The following PTPN4 variants were observed in gnomAD, a reference collection of about 807,000 sequenced individuals.
PTPN4 encodes tyrosine-protein phosphatase non-receptor type 4.
In PTPN4, 49 loss-of-function variants were observed where a neutral mutation model predicts 135.5. The observed-to-expected ratio is 0.36, with a 90% confidence interval of 0.29 to 0.46. The LOEUF (loss-of-function observed/expected upper bound fraction) is 0.46. Ranked by LOEUF, PTPN4 falls within the 20% of genes least tolerant of loss-of-function variation. PTPN4 has a pLI of 1.00. For synonymous variants in PTPN4, 333 were observed against 369.9 expected (o/e 0.90, Z 1.14); for missense variants, 860 against 1,101.0 (o/e 0.78, Z 3.10).
At chr2:119,790,923 T>A (rs1046261275) in intron 1 of PTPN4, among the ~76,000 whole-genome samples, 1 of 152,194 alleles carries the variant, frequency 6.6e-6, no homozygotes, top group Non-Finnish European at 1.5e-5. Flanking sequence ...AATTCAGTAG[T>A]ATTCAGAAAT....
At chr2:119,764,831 A>G (rs938858587) in intron 1 of PTPN4, among the ~76,000 whole-genome samples, 1 of 152,166 alleles carries the variant, frequency 6.6e-6, no homozygotes, top group Non-Finnish European at 1.5e-5. Context: ...CTTGATCACC[A>G]CCATAATAGC....
chr2:119,912,474 A>G (rs1678586078), intron 10 of PTPN4, among the ~76,000 whole-genome samples: 1 of 152,208 alleles, frequency 6.6e-6, no homozygotes, highest in African/African-American at 2.4e-5. Context: ...GAAAATGAAA[A>G]GATGCATTGG....
At chr2:119,903,578 C>A (rs1678440435) in intron 10 of PTPN4, among the ~76,000 whole-genome samples, 1 of 151,734 alleles carries the variant, frequency 6.6e-6, no homozygotes, top group African/African-American at 2.4e-5. Context: ...CACACACACA[C>A]ACACACCTTT....
chr2:119,857,542 TAAA>T (rs1677699394), intron 2 of PTPN4, among the ~76,000 whole-genome samples: 1 of 105,612 alleles, frequency 9.5e-6, no homozygotes, highest in Non-Finnish European at 2.1e-5. Context: ...TCAAAAAAAA[TAAA>T]AAAGAAATGT....
chr2:119,910,549 T>G (rs559734033), intron 10 of PTPN4, among the ~76,000 whole-genome samples: 2 of 152,250 alleles, frequency 1.3e-5, no homozygotes, highest in East Asian at 3.9e-4. Flanking sequence ...TCCTGCCCCC[T>G]CCTCCACTAA....
intron 22 of PTPN4, among the ~76,000 whole-genome samples, chr2:119,958,724 C>G (rs894404303): frequency 6.6e-6 from 1 of 152,136 alleles, no homozygotes; most frequent in Admixed American, 6.5e-5. Context: ...ATTAGCTGAT[C>G]AATACATACT....
At chr2:119,804,811 G>A (rs1691438538) in intron 1 of PTPN4, among the ~76,000 whole-genome samples, 1 of 152,094 alleles carries the variant, frequency 6.6e-6, no homozygotes, top group South Asian at 2.1e-4. Flanking sequence ...GGGATCTTTG[G>A]GTCAAATGGT....
intron 9 of PTPN4, among the ~76,000 whole-genome samples, chr2:119,896,808 T>C (rs753091351): frequency 6.6e-5 from 10 of 152,160 alleles, no homozygotes; most frequent in Non-Finnish European, 1.0e-4. Flanking sequence ...GTAATGAATA[T>C]GAAGTGGTGG....
intron 2 of PTPN4, among the ~76,000 whole-genome samples, chr2:119,845,904 C>T (rs575517449): frequency 5.8e-4 from 88 of 152,246 alleles, no homozygotes; most frequent in African/African-American, 1.8e-3. Flanking sequence ...TCATTTATAT[C>T]GAAGTATTTT....
chr2:119,970,247 A>G (rs1679511207), intron 26 of PTPN4, among the ~76,000 whole-genome samples: 1 of 151,926 alleles, frequency 6.6e-6, no homozygotes, highest in Non-Finnish European at 1.5e-5. Flanking sequence ...TTTAGTAGAC[A>G]CAGGGTCTCT....
intron 2 of PTPN4, among the ~76,000 whole-genome samples, chr2:119,838,853 C>G (rs1026296315): frequency 1.3e-5 from 2 of 152,174 alleles, no homozygotes; most frequent in Non-Finnish European, 2.9e-5. Context: ...ATTCAACTAA[C>G]CAAATATGTA....
intron 10 of PTPN4, among the ~76,000 whole-genome samples, chr2:119,908,449 A>C (rs1486293584): frequency 6.6e-6 from 1 of 152,140 alleles, no homozygotes; most frequent in East Asian, 1.9e-4. Flanking sequence ...ATGTTATTGT[A>C]TCAGTGATCT....
At chr2:119,937,150 G>A (rs1574412620) in intron 15 of PTPN4, among the ~76,000 whole-genome samples, 2 of 152,234 alleles carry the variant, frequency 1.3e-5, no homozygotes, top group East Asian at 3.9e-4. Flanking sequence ...AATCAGCCAG[G>A]AGAACTTTGT....
intron 12 of PTPN4, among the ~76,000 whole-genome samples, chr2:119,924,325 A>G (rs984730298): frequency 2.6e-5 from 4 of 151,870 alleles, no homozygotes; most frequent in Non-Finnish European, 5.9e-5. Context: ...TTTTTTCGTT[A>G]AAAGTGGCAT....
chr2:119,815,231 CTG>C (rs2104951828), intron 2 of PTPN4, among the ~76,000 whole-genome samples: 1 of 152,198 alleles, frequency 6.6e-6, no homozygotes, highest in South Asian at 2.1e-4. Flanking sequence ...TTGTTCTTGT[CTG>C]TGTTTCATAT....
intron 12 of PTPN4, among the ~76,000 whole-genome samples, chr2:119,922,448 C>G (rs1678752007): frequency 6.6e-6 from 1 of 152,092 alleles, no homozygotes; most frequent in Non-Finnish European, 1.5e-5. Flanking sequence ...TGATCATATT[C>G]AAACTTTAAA....
chr2:119,774,917 G>C (rs1004207681), intron 1 of PTPN4, among the ~76,000 whole-genome samples: 1 of 151,884 alleles, frequency 6.6e-6, no homozygotes, highest in Non-Finnish European at 1.5e-5. Context: ...TACTCAGGAG[G>C]CTGAGGCAGG....
intron 19 of PTPN4, among the ~76,000 whole-genome samples, chr2:119,954,197 G>C (rs767074986): frequency 6.6e-6 from 1 of 152,024 alleles, no homozygotes; most frequent in African/African-American, 2.4e-5. Context: ...CTAAAAAAAT[G>C]TATAGATATT....
chr2:119,913,859 CA>C (rs1225694916), intron 10 of PTPN4, among the ~76,000 whole-genome samples: 2 of 151,062 alleles, frequency 1.3e-5, no homozygotes, highest in Admixed American at 6.6e-5. Flanking sequence ...ATATAGAAGC[CA>C]AAAAAACGGT....
Sources: allele counts gnomAD v4.1 joint callset (sites outside exome capture counted in the v4.1 genomes callset), GRCh38; gene constraint gnomAD v4.1.1; transcripts MANE v1.5; gene names NCBI Gene and HGNC (gene_info 2026-07-23, HGNC 2026-07-21).